RSRC1: variants seen among roughly 807,000 people sequenced by gnomAD.
RSRC1 encodes the protein arginine and serine rich coiled-coil 1.
In RSRC1, 39 loss-of-function variants were observed where a neutral mutation model predicts 49.1. The observed-to-expected ratio is 0.79, with a 90% CI of 0.61 to 1.04. The LOEUF is 1.04. Among genes scored for constraint, RSRC1 ranks in the 50% least tolerant of loss-of-function variants. The probability of loss-of-function intolerance (pLI) is 0.00; values close to 1 mark genes in which losing one functional copy is unlikely to be tolerated. For synonymous variants in RSRC1, 143 were observed against 130.8 expected, an observed-to-expected ratio of 1.09 and a Z score of -0.63; for missense variants, 388 against 402.4, an observed-to-expected ratio of 0.96 and a Z score of 0.31.
chr3:158,202,848 A>G (rs1213314910), intron 3 of RSRC1, among the ~76,000 whole-genome samples: 1 of 151,960 alleles, frequency 6.6e-6, no homozygotes, highest in East Asian at 1.9e-4. Context: ...ACACTTTTTA[A>G]CTGCATCATA....
chr3:158,474,217 C>G (rs1738270446), intron 7 of RSRC1, among the ~76,000 whole-genome samples: 2 of 152,052 alleles, frequency 1.3e-5, no homozygotes, highest in African/African-American at 4.8e-5. Context: ...CCAGACCATT[C>G]CGATAAAGCA....
chr3:158,475,568 C>T (rs1019363207), intron 7 of RSRC1, among the ~76,000 whole-genome samples: 2 of 152,056 alleles, frequency 1.3e-5, no homozygotes, highest in Admixed American at 6.6e-5. Context: ...TTTAAACATG[C>T]TCATTATATC....
At chr3:158,273,844 C>G (rs1334638937) in intron 4 of RSRC1, among the ~76,000 whole-genome samples, 2 of 152,134 alleles carry the variant, frequency 1.3e-5, no homozygotes, top group African/African-American at 2.4e-5. Context: ...CTCTCTCCCT[C>G]TGTCTTTCTC....
At chr3:158,345,161 A>C (rs1730476699) in intron 5 of RSRC1, among the ~76,000 whole-genome samples, 1 of 152,090 alleles carries the variant, frequency 6.6e-6, no homozygotes, top group Non-Finnish European at 1.5e-5. Context: ...CAGGAGGCAG[A>C]AGTTGCAGTG....
intron 3 of RSRC1, among the ~76,000 whole-genome samples, chr3:158,195,803 G>A (rs1720567142): frequency 1.3e-5 from 2 of 152,154 alleles, no homozygotes; most frequent in Non-Finnish European, 2.9e-5. Context: ...ACATCAGATA[G>A]TTGTAGATAT....
chr3:158,532,457 A>C (rs1712457274), intron 7 of RSRC1, among the ~76,000 whole-genome samples: 1 of 151,968 alleles, frequency 6.6e-6, no homozygotes, highest in Non-Finnish European at 1.5e-5. Context: ...AAATTTGTAT[A>C]ACATTTGGTA....
chr3:158,312,380 G>C (rs1405332176), intron 5 of RSRC1, among the ~76,000 whole-genome samples: 1 of 152,142 alleles, frequency 6.6e-6, no homozygotes, highest in Admixed American at 6.6e-5. Context: ...TATTTGTTGA[G>C]TGTCAGTTAT....
intron 3 of RSRC1, among the ~76,000 whole-genome samples, chr3:158,176,185 A>T (rs1048715414): frequency 2.6e-5 from 4 of 152,198 alleles, no homozygotes; most frequent in Non-Finnish European, 4.4e-5. Context: ...TTCCATGCTA[A>T]TGGATAGGAG....
At chr3:158,188,427 G>A (rs570070923) in intron 3 of RSRC1, among the ~76,000 whole-genome samples, 2 of 151,954 alleles carry the variant, frequency 1.3e-5, no homozygotes, top group African/African-American at 4.8e-5. Flanking sequence ...TCTACCTGAA[G>A]GTCTGTCTCT....
chr3:158,419,659 A>G (rs1052908470), intron 6 of RSRC1, among the ~76,000 whole-genome samples: 2 of 151,904 alleles, frequency 1.3e-5, no homozygotes, highest in African/African-American at 4.8e-5. Context: ...TGCCTCATAC[A>G]TAGGTAGAAC....
intron 6 of RSRC1, among the ~76,000 whole-genome samples, chr3:158,361,119 G>A (rs540433366): frequency 9.2e-5 from 14 of 152,258 alleles, no homozygotes; most frequent in African/African-American, 2.6e-4. Flanking sequence ...GGCACCTCTC[G>A]GAGTGTGCCT....
At chr3:158,187,355 A>C (rs1719990449) in intron 3 of RSRC1, among the ~76,000 whole-genome samples, 1 of 152,014 alleles carries the variant, frequency 6.6e-6, no homozygotes, top group Non-Finnish European at 1.5e-5. Context: ...CATATACTAA[A>C]CAAGCATATT....
intron 4 of RSRC1, among the ~76,000 whole-genome samples, chr3:158,235,711 T>C (rs373924569): frequency 3.9e-5 from 6 of 152,260 alleles, no homozygotes; most frequent in East Asian, 3.8e-4. Flanking sequence ...CATAGTTATA[T>C]ATTTGCTTTG....
intron 3 of RSRC1, among the ~76,000 whole-genome samples, chr3:158,145,960 G>C (rs1443206861): frequency 6.6e-6 from 1 of 152,154 alleles, no homozygotes; most frequent in African/African-American, 2.4e-5. Context: ...GAATGCTTGT[G>C]ATGTTTGCAC....
At chr3:158,398,458 G>A (rs1733723658) in intron 6 of RSRC1, among the ~76,000 whole-genome samples, 2 of 152,092 alleles carry the variant, frequency 1.3e-5, no homozygotes, top group African/African-American at 4.8e-5. Flanking sequence ...GGTTGAAGGG[G>A]TCTAGCTAGT....
intron 7 of RSRC1, among the ~76,000 whole-genome samples, chr3:158,522,641 T>G (rs1258500004): frequency 6.6e-6 from 1 of 152,154 alleles, no homozygotes; most frequent in Non-Finnish European, 1.5e-5. Context: ...AGAACACAGT[T>G]TAGTATACTT....
chr3:158,405,245 T>C (rs1177969313), intron 6 of RSRC1, among the ~76,000 whole-genome samples: 1 of 152,062 alleles, frequency 6.6e-6, no homozygotes, highest in African/African-American at 2.4e-5. Flanking sequence ...TATCATGTTT[T>C]GTCATTCAAC....
At chr3:158,457,564 A>G (rs1439530169) in intron 6 of RSRC1, among the ~76,000 whole-genome samples, 1 of 152,186 alleles carries the variant, frequency 6.6e-6, no homozygotes, top group African/African-American at 2.4e-5. Context: ...ATGTGTTACA[A>G]TTTAGACCTA....
chr3:158,309,643 A>G (rs1728024018), intron 5 of RSRC1, among the ~76,000 whole-genome samples: 1 of 151,826 alleles, frequency 6.6e-6, no homozygotes, highest in Non-Finnish European at 1.5e-5. Flanking sequence ...ATAAAAAACT[A>G]CATGATTTAA....
Sources: allele counts gnomAD v4.1 joint callset (sites outside exome capture counted in the v4.1 genomes callset), GRCh38; gene constraint gnomAD v4.1.1; transcripts MANE v1.5; gene names NCBI Gene and HGNC (gene_info 2026-07-23, HGNC 2026-07-21).